CSMD2: variants seen among roughly 807,000 people sequenced by gnomAD.
The protein encoded by CSMD2 is CUB and Sushi multiple domains 2, also known as CUB and sushi domain-containing protein 2.
A neutral mutation model predicts 398.5 loss-of-function variants in CSMD2; 130 were observed. The observed-to-expected ratio is 0.33, with a 90% CI of 0.28 to 0.38. The LOEUF (loss-of-function observed/expected upper bound fraction) is 0.38, where lower values mean the gene tolerates loss of function less well. CSMD2 is among the 10% of genes least tolerant of loss of function. The probability of loss-of-function intolerance (pLI) is 1.00; values close to 1 mark genes in which losing one functional copy is unlikely to be tolerated. For synonymous variants in CSMD2, 1,828 were observed against 1,908.5 expected (o/e 0.96, Z 1.10); for missense variants, 3,829 against 4,764.9 (o/e 0.80, Z 5.78).
At chr1:33,768,724 G>A (rs1650872637) in intron 13 of CSMD2, among the ~76,000 whole-genome samples, 1 of 152,026 alleles carries the variant, frequency 6.6e-6, no homozygotes, top group Admixed American at 6.6e-5. Context: ...CTCTCCAAAA[G>A]CCCAGCTCAA....
intron 27 of CSMD2, among the ~76,000 whole-genome samples, chr1:33,655,573 A>T (rs1172066912): frequency 6.6e-6 from 1 of 152,194 alleles, no homozygotes; most frequent in Non-Finnish European, 1.5e-5. Flanking sequence ...CCGAGCTCTA[A>T]CCTCACCACA....
intron 65 of CSMD2, among the ~76,000 whole-genome samples, chr1:33,525,638 G>C (rs780919991): frequency 4.6e-5 from 7 of 152,192 alleles, no homozygotes; most frequent in Non-Finnish European, 7.3e-5. Flanking sequence ...GCATGGCATA[G>C]TGACTATAGT....
At chr1:33,553,787 T>C (rs1032551257) in intron 55 of CSMD2, among the ~76,000 whole-genome samples, 5 of 152,130 alleles carry the variant, frequency 3.3e-5, no homozygotes, top group Non-Finnish European at 7.3e-5. Flanking sequence ...TGGAGAAAGT[T>C]TGAGTAAGTC....
At chr1:33,824,089 AT>A (rs1456780050) in intron 7 of CSMD2, among the ~76,000 whole-genome samples, 1 of 152,200 alleles carries the variant, frequency 6.6e-6, no homozygotes, top group Non-Finnish European at 1.5e-5. Flanking sequence ...AAACTGAAAC[AT>A]TAGTGTCTGG....
At position 33,636,545 on chromosome 1, in the gene CSMD2, C is replaced by T. The variant is rs922339512; in HGVS notation, c.4784G>A (p.Arg1595Gln). The T allele has an allele frequency of 9.9e-6, 16 of 1,613,732 alleles. No homozygotes were observed. Among genetic ancestry groups the T allele is most frequent in the Admixed American group, 1.7e-5 (1 of 59,994 alleles). The part of the protein sequence containing the change: ...GFVIDYTENP[R>Q]ESCFDPGSIK... ...GGAACCAGGATCAAAACATGACTCC[C>T]GCGGGTTTTCTGGGAAAAAGAAATA... Residue 1595 changes from arginine to glutamine, a missense_variant, in exon 30 of 71, where the codon CGG becomes CAG. Transcript: ENST00000373381. The surrounding 1 kb of genome is among the most constrained non-coding windows in gnomAD (Gnocchi z 4.8).
intron 5 of CSMD2, among the ~76,000 whole-genome samples, chr1:33,910,347 G>A (rs887217458): frequency 1.3e-5 from 2 of 152,144 alleles, no homozygotes; most frequent in African/African-American, 4.8e-5. Context: ...ATGCACCAGG[G>A]CTCTTTTCGG....
intron 5 of CSMD2, among the ~76,000 whole-genome samples, chr1:33,911,840 G>C (rs1392943351): frequency 6.6e-6 from 1 of 152,158 alleles, no homozygotes; most frequent in Non-Finnish European, 1.5e-5. Flanking sequence ...AGAGCCCCGG[G>C]GTGGGTGCAT....
chr1:33,901,067 G>C (rs1161965001), intron 5 of CSMD2, among the ~76,000 whole-genome samples: 1 of 152,094 alleles, frequency 6.6e-6, no homozygotes, highest in African/African-American at 2.4e-5. Context: ...AGTCTCTGAG[G>C]CTCAGTTTCT....
At chr1:33,796,942 G>A (rs1031458310) in intron 10 of CSMD2, among the ~76,000 whole-genome samples, 2 of 152,100 alleles carry the variant, frequency 1.3e-5, no homozygotes, top group Non-Finnish European at 2.9e-5. Flanking sequence ...AATAAGCCCT[G>A]GTCTCCTGCA....
chr1:34,047,077 C>G (rs550138219), intron 2 of CSMD2, among the ~76,000 whole-genome samples: 1 of 152,244 alleles, frequency 6.6e-6, no homozygotes, highest in South Asian at 2.1e-4. Context: ...CTTCCAAAAG[C>G]ATCCCACTCG....
intron 5 of CSMD2, among the ~76,000 whole-genome samples, chr1:33,872,266 G>GA (rs1004192715): frequency 3.4e-5 from 5 of 148,436 alleles, no homozygotes; most frequent in Non-Finnish European, 4.5e-5. Context: ...TGAGAAGAGA[G>GA]AAAAAAAAAA....
chr1:33,561,414 C>T (rs1448216624), intron 53 of CSMD2, among the ~76,000 whole-genome samples: 2 of 152,164 alleles, frequency 1.3e-5, no homozygotes. Context: ...GTTTCTATAG[C>T]TGCAAAGTAA....
intron 25 of CSMD2, among the ~76,000 whole-genome samples, chr1:33,685,275 C>T (rs1007247624): frequency 6.6e-6 from 1 of 152,218 alleles, no homozygotes; most frequent in Non-Finnish European, 1.5e-5. Context: ...ATGGGACCTT[C>T]AGATTCTTGT....
chr1:33,712,858 C>T (rs1326876152), intron 21 of CSMD2, among the ~76,000 whole-genome samples: 1 of 152,036 alleles, frequency 6.6e-6, no homozygotes, highest in African/African-American at 2.4e-5. Flanking sequence ...GGGTGGATGC[C>T]TTTGGGGATG....
At chr1:33,541,563 C>G (rs1656344433) in intron 58 of CSMD2, among the ~76,000 whole-genome samples, 1 of 152,200 alleles carries the variant, frequency 6.6e-6, no homozygotes, top group African/African-American at 2.4e-5. Context: ...AACTCCTGGG[C>G]TCATGCAATC....
chr1:34,163,997 G>C lies in CSMD2; in HGVS notation c.187+914C>G, dbSNP rs566369474. On this transcript the variant is annotated intron_variant, in intron 1 of 70. Transcript: ENST00000373381. The surrounding 1 kb of genome is among the most constrained non-coding windows in gnomAD (Gnocchi z 5.4). Reference sequence around the variant, plus strand: ...CAGCCAGACACCCGCGAAGTTCCGGGACTCTCCGCACCCGCTAGATCTGCC... The same window carrying C: ...CAGCCAGACACCCGCGAAGTTCCGGCACTCTCCGCACCCGCTAGATCTGCC... Among the ~76,000 whole-genome samples, 24 of 152,200 alleles carry C rather than the reference G, an allele frequency of 1.6e-4. No homozygotes were observed. The highest frequency in any genetic ancestry group is 3.1e-4 in the Non-Finnish European group (21 of 67,998).
intron 15 of CSMD2, among the ~76,000 whole-genome samples, 179 bp downstream of exon 15, chr1:33,738,961 G>A (rs1032357884): frequency 2.6e-5 from 4 of 152,044 alleles, no homozygotes; most frequent in Admixed American, 6.6e-5. Context: ...AAATTCCTAC[G>A]CACAGTGGCC....
intron 64 of CSMD2, among the ~76,000 whole-genome samples, chr1:33,532,007 T>C (rs1180688779): frequency 3.3e-5 from 5 of 152,246 alleles, no homozygotes; most frequent in Non-Finnish European, 7.3e-5. Context: ...TTAATAAATG[T>C]ACTTTATATC....
At chr1:33,978,967 C>G (rs1221313827) in intron 3 of CSMD2, among the ~76,000 whole-genome samples, 1 of 152,168 alleles carries the variant, frequency 6.6e-6, no homozygotes, top group African/African-American at 2.4e-5. Context: ...GTAACTTGCC[C>G]AAAGCCACAT....
Sources: gnomAD v4.1 joint callset for allele counts (sites outside exome capture counted in the v4.1 genomes callset) on GRCh38, gnomAD v4.1.1 for gene constraint, Gnocchi (gnomAD v3.1) non-coding constraint, MANE v1.5 for transcripts, NCBI Gene and HGNC (gene_info 2026-07-23, HGNC 2026-07-21) for gene names.